The following NCAM1 variants were observed in gnomAD, a reference collection of about 807,000 sequenced individuals.
NCAM1 encodes the protein antigen recognized by monoclonal antibody 5.1H11.
Under a neutral mutation model 109.8 loss-of-function variants are expected in NCAM1, and 14 were observed. The ratio of observed to expected loss-of-function variants is 0.13; its 90% CI spans 0.08 to 0.20. The LOEUF (loss-of-function observed/expected upper bound fraction) is 0.20. Among genes scored for constraint, NCAM1 ranks in the 10% least tolerant of loss-of-function variants. NCAM1 has a pLI of 1.00. For synonymous variants in NCAM1, 418 were observed against 442.9 expected (o/e 0.94, Z 0.70); for missense variants, 774 against 1,109.9 (o/e 0.70, Z 4.30).
intron 7 of NCAM1, among the ~76,000 whole-genome samples, chr11:113,212,205 T>C (rs1555113724): frequency 6.6e-6 from 1 of 152,182 alleles, no homozygotes; most frequent in Non-Finnish European, 1.5e-5. Context: ...ACTGTCTTGT[T>C]CTAAGGTGGC....
intron 14 of NCAM1, among the ~76,000 whole-genome samples, chr11:113,245,148 TA>T (rs1178152656): frequency 1.3e-5 from 2 of 152,194 alleles, no homozygotes; most frequent in African/African-American, 4.8e-5. Context: ...ACCACGATTC[TA>T]AAGATATAAC....
chr11:113,236,003 T>G (rs957233291), intron 14 of NCAM1, among the ~76,000 whole-genome samples: 9 of 152,168 alleles, frequency 5.9e-5, no homozygotes, highest in Non-Finnish European at 1.3e-4. Context: ...TTCCCTGGGC[T>G]CTCTGACCCC....
chr11:113,178,226 G>A (rs1943228351), intron 1 of NCAM1, among the ~76,000 whole-genome samples: 1 of 152,184 alleles, frequency 6.6e-6, no homozygotes, highest in Non-Finnish European at 1.5e-5. Context: ...GAGAGCAGAA[G>A]AGAGGCAGGG....
intron 1 of NCAM1, among the ~76,000 whole-genome samples, chr11:113,040,274 A>G (rs1953030037): frequency 6.6e-6 from 1 of 152,232 alleles, no homozygotes; most frequent in Non-Finnish European, 1.5e-5. Flanking sequence ...GCTACAATAC[A>G]TTCCAAGTGT....
At chr11:112,986,817 T>C (rs1478299043) in intron 1 of NCAM1, among the ~76,000 whole-genome samples, 4 of 152,040 alleles carry the variant, frequency 2.6e-5, no homozygotes, top group African/African-American at 9.7e-5. Context: ...AGCAAAACTT[T>C]TGTCAATTTT....
intron 1 of NCAM1, among the ~76,000 whole-genome samples, chr11:113,158,014 A>G (rs968124397): frequency 6.6e-6 from 1 of 152,148 alleles, no homozygotes; most frequent in African/African-American, 2.4e-5. Flanking sequence ...TTTGGTTGCA[A>G]TGTGGAATCT....
At chr11:113,049,063 T>C (rs2135387686) in intron 1 of NCAM1, among the ~76,000 whole-genome samples, 1 of 152,262 alleles carries the variant, frequency 6.6e-6, no homozygotes, top group East Asian at 1.9e-4. Flanking sequence ...TCAGACCTGC[T>C]TTTGAGCTCA....
chr11:112,998,742 A>T (rs1555071881), intron 1 of NCAM1, among the ~76,000 whole-genome samples: 1 of 152,110 alleles, frequency 6.6e-6, no homozygotes, highest in Non-Finnish European at 1.5e-5. Flanking sequence ...TCTTACCATA[A>T]ATTCCGAATG....
chr11:113,047,747 T>C (rs372350599), intron 1 of NCAM1, among the ~76,000 whole-genome samples: 28 of 152,162 alleles, frequency 1.8e-4, no homozygotes, highest in African/African-American at 6.5e-4. Context: ...AGCAAACAGG[T>C]CCTTCTTCAC....
At chr11:113,263,404 T>G (rs782713534) in intron 17 of NCAM1, 14 of 989,002 alleles carry the variant, frequency 1.4e-5, no homozygotes, top group Non-Finnish European at 1.4e-5. Flanking sequence ...TGCTTGCAAT[T>G]AAGCATTTAA....
rs781842856 is a variant in NCAM1, at chr11:113,277,801, C to T, written c.*2414C>T. On this transcript the variant is annotated 3_prime_UTR_variant, in exon 20 of 20. Transcript: ENST00000316851. ...GACTCTGCCCACATTTTGGTCTGTT[C>T]TCTCCCATTACACATAGGTTTGTCT... 6.5e-6 allele frequency: 1 copy of T among 154,050 alleles called. No homozygotes were observed. Among genetic ancestry groups the T allele is most frequent in the South Asian group, 2.4e-4 (1 of 4,140 alleles). 9.5% of individuals were successfully genotyped at this position (154,050 alleles called of 1,614,324 possible).
chr11:113,254,414 A>G (rs530535945), intron 15 of NCAM1, among the ~76,000 whole-genome samples: 1 of 152,350 alleles, frequency 6.6e-6, no homozygotes, highest in East Asian at 1.9e-4. Context: ...TATGCCTGTT[A>G]CTGCTACTTC....
At chr11:113,085,640 C>G (rs1939047330) in intron 1 of NCAM1, among the ~76,000 whole-genome samples, 1 of 152,204 alleles carries the variant, frequency 6.6e-6, no homozygotes, top group Non-Finnish European at 1.5e-5. Context: ...CCCCAGGGGA[C>G]TCTGCAGCTG....
chr11:113,264,805 G>C (rs1235263550), intron 17 of NCAM1: 1 of 985,334 alleles, frequency 1.0e-6, no homozygotes, highest in Admixed American at 6.2e-5. Context: ...GGTCCTCAAG[G>C]GTCCCATTTA....
chr11:113,164,315 A>T (rs1374004684), intron 1 of NCAM1, among the ~76,000 whole-genome samples: 2 of 152,196 alleles, frequency 1.3e-5, no homozygotes, highest in South Asian at 2.1e-4. Flanking sequence ...GGGCAGGGGC[A>T]TTCCCACACA....
At chr11:113,225,025 CCT>C (rs1944800437) in intron 9 of NCAM1, among the ~76,000 whole-genome samples, 1 of 152,208 alleles carries the variant, frequency 6.6e-6, no homozygotes, top group African/African-American at 2.4e-5. Context: ...AATCAGAGAA[CCT>C]CTTCTTCTCC....
chr11:113,153,827 G>C (rs1190292366), intron 1 of NCAM1, among the ~76,000 whole-genome samples: 1 of 152,208 alleles, frequency 6.6e-6, no homozygotes, highest in Non-Finnish European at 1.5e-5. Context: ...CTCTGTAACT[G>C]TGCTTCCTGT....
chr11:113,030,260 A>C (rs1372664066), intron 1 of NCAM1, among the ~76,000 whole-genome samples: 1 of 152,204 alleles, frequency 6.6e-6, no homozygotes, highest in Non-Finnish European at 1.5e-5. Context: ...TTGTTACTAA[A>C]GTGTATGGTT....
At chr11:113,099,023 T>C (rs1488874014) in intron 1 of NCAM1, among the ~76,000 whole-genome samples, 1 of 152,202 alleles carries the variant, frequency 6.6e-6, no homozygotes, top group Non-Finnish European at 1.5e-5. Flanking sequence ...CTGTGGGGAA[T>C]TATTGTAAAC....
Sources: gnomAD v4.1 joint callset for allele counts (sites outside exome capture counted in the v4.1 genomes callset) on GRCh38, gnomAD v4.1.1 for gene constraint, MANE v1.5 for transcripts, NCBI Gene and HGNC (gene_info 2026-07-23, HGNC 2026-07-21) for gene names.